RBM28: variants seen among roughly 807,000 people sequenced by gnomAD.
RBM28 encodes the protein RNA binding motif protein 28.
A neutral mutation model predicts 98.3 loss-of-function variants in RBM28; 78 were observed. The ratio of observed to expected loss-of-function variants is 0.79; its 90% CI spans 0.66 to 0.96. RBM28 has a LOEUF of 0.96. Ranked by LOEUF, RBM28 falls within the 40% of genes least tolerant of loss-of-function variation. RBM28 has a pLI of 0.00. For missense variants in RBM28, 838 were observed against 913.0 expected, an observed-to-expected ratio of 0.92 and a Z score of 1.06; for synonymous variants, 306 against 330.9, an observed-to-expected ratio of 0.92 and a Z score of 0.82.
Position 128,330,848 on chromosome 7 carries a change from A to G in RBM28, c.1100T>C (p.Val367Ala). Reference protein sequence around the residue: ...QFGELKYVRIVLHPDTEHSKG... With the variant: ...QFGELKYVRIALHPDTEHSKG... ...AGAATGCTCTGTGTCTGGATGCAAG[A>G]CAATGCGGACATATTTGAGTTCTCC... Residue 367 changes from valine (V) to alanine (A), a missense_variant, in exon 10 of 19, where the codon GTC becomes GCC. Transcript: ENST00000223073. 1 of 1,614,116 alleles carries G rather than the reference A, an allele frequency of 6.2e-7. No individual in the cohort carries two copies. Among genetic ancestry groups the G allele is most frequent in the Non-Finnish European group, 8.5e-7 (1 of 1,179,942 alleles).
chr7:128,321,035 G>A lies in RBM28; in HGVS notation c.1563+231C>T, dbSNP rs139534348. 4.2e-3 allele frequency among the ~76,000 whole-genome samples: 641 copies of A among 152,314 alleles called. 6 individuals are homozygous for A. Among genetic ancestry groups the A allele is most frequent in the African/African-American group, 0.015 (611 of 41,564 alleles). On this transcript the variant is annotated intron_variant, in intron 14 of 18. Transcript: ENST00000223073. The stretch of plus-strand genomic sequence containing the variant: ...ACAAAAATTAGCCAGGCGTGGTGGC[G>A]CACGCCTATAGTCCCAGCTATTCAG...
rs1228392694 is a variant in RBM28, at chr7:128,323,582, G to A, written c.1349C>T (p.Ala450Val). The A allele has an allele frequency of 1.9e-6, 3 of 1,614,090 alleles. No individual in the cohort carries two copies. Among genetic ancestry groups the A allele is most frequent in the Admixed American group, 1.7e-5 (1 of 60,010 alleles). Residue 450 changes from alanine (A) to valine (V), a missense_variant, in exon 13 of 19, where the codon GCT (alanine) becomes GTT (valine). Ala to Val is a moderately conservative substitution (Grantham distance 64). Transcript: ENST00000223073. ...CACACCCTCTGCAGCCTTCGTCCCAGCACGAATCACTGCAGAAAGAGGGAA... is the reference window on the plus strand; with the variant it reads ...CACACCCTCTGCAGCCTTCGTCCCAACACGAATCACTGCAGAAAGAGGGAA... ...LYLAREGLIRAGTKAAEGVSA... is the reference protein window; with the variant it reads ...LYLAREGLIRVGTKAAEGVSA...
intron 10 of RBM28, among the ~76,000 whole-genome samples, chr7:128,330,329 A>G (rs530374621): frequency 6.8e-6 from 1 of 148,132 alleles, no homozygotes; most frequent in African/African-American, 2.5e-5. Context: ...ACCATTAAAG[A>G]TGCTGAGTGT....
Position 128,326,763 on chromosome 7 carries a change from C to T in RBM28, c.1130-872G>A, listed in dbSNP as rs149399229. On this transcript the variant is annotated intron_variant, in intron 10 of 18. Transcript: ENST00000223073. ...TAATCAAGACAAAGATACCACTGCT[C>T]TTAATGAAATTTTATTATTACTTCC... Among the ~76,000 whole-genome samples the T allele has an allele frequency of 3.7e-3, 557 of 152,306 alleles. 1 individual carries two copies. Among genetic ancestry groups the T allele is most frequent in the Middle Eastern group, 6.8e-3 (2 of 294 alleles).
chr7:128,306,175 C>A lies in RBM28; in HGVS notation c.*4622G>T, dbSNP rs1795864498. 1 of 152,212 alleles carries A rather than the reference C, an allele frequency of 6.6e-6. No homozygotes were observed. Among genetic ancestry groups the A allele is most frequent in the Non-Finnish European group, 1.5e-5 (1 of 68,072 alleles). The allele number at this position is 152,212 out of a possible 1,614,324, so 9.4% of individuals were successfully genotyped here. A position where few individuals can be genotyped will look rare whatever the true frequency, so the allele number is the denominator to read the frequency against. ...GTGCCGGGGACTTAGAGGAAGGGGT[C>A]ACAATGCCCTGGGATGGCTGAGGTC... On this transcript the variant is annotated 3_prime_UTR_variant, in exon 19 of 19. Transcript: ENST00000223073.
At chr7:128,330,558 G>C (rs1423314272) in intron 10 of RBM28, among the ~76,000 whole-genome samples, 2 of 151,984 alleles carry the variant, frequency 1.3e-5, no homozygotes, top group Non-Finnish European at 2.9e-5. Context: ...TTTTAGTAGA[G>C]ACGGGGTTTC....
intron 18 of RBM28, among the ~76,000 whole-genome samples, chr7:128,311,313 C>A (rs6980001): frequency 0.083 from 12,601 of 152,184 alleles, 663 homozygotes; most frequent in African/African-American, 0.14. Context: ...GATCTCTATA[C>A]TATAGTACGG....
chr7:128,332,764 G>C (rs1161179380), intron 9 of RBM28, among the ~76,000 whole-genome samples: 1 of 152,156 alleles, frequency 6.6e-6, no homozygotes, highest in African/African-American at 2.4e-5. Flanking sequence ...GAGGTATACT[G>C]AAGACATCCT....
At position 128,323,697 on chromosome 7, in the gene RBM28, G is replaced by A. The variant is rs1187861175; in HGVS notation, c.1340-106C>T. 38 of 1,305,260 alleles carry A rather than the reference G, an allele frequency of 2.9e-5. No homozygotes were observed. In the South Asian group the frequency reaches 4.0e-4, roughly 14 times the overall value. The allele number at this position is 1,305,260 out of a possible 1,614,324, so 80.9% of individuals were successfully genotyped here. A position where few individuals can be genotyped will look rare whatever the true frequency, so the allele number is the denominator to read the frequency against. ...CAAACTCTTTGTACAGGGCCCAGAGGACTATCTTGGCCAGGACACGGTGGC... is the reference window on the plus strand; with the variant it reads ...CAAACTCTTTGTACAGGGCCCAGAGAACTATCTTGGCCAGGACACGGTGGC... On this transcript the variant is annotated intron_variant, in intron 12 of 18. Coordinates refer to ENST00000223073, the MANE Select transcript of RBM28 (RefSeq NM_018077.3).
intron 13 of RBM28, 27 bp downstream of exon 13, chr7:128,323,500 G>A (rs73230652): frequency 0.061 from 98,654 of 1,613,056 alleles, 3,539 homozygotes; most frequent in Non-Finnish European, 0.072. Flanking sequence ...CACGCAGAAC[G>A]TGAAGGTCAA....
rs768941143 is a variant in RBM28, at chr7:128,343,725, C to T, written c.69G>A (p.Leu23=). 2 of 1,611,814 alleles carry T rather than the reference C, an allele frequency of 1.2e-6. No homozygotes were observed. Among genetic ancestry groups the T allele is most frequent in the African/African-American group, 2.7e-5 (2 of 74,804 alleles). Residue 23 remains leucine (L), a synonymous_variant, in exon 1 of 19, where the codon CTG becomes CTA. Coordinates refer to ENST00000223073, the MANE Select transcript of RBM28 (RefSeq NM_018077.3). ...GCTTCACCGGCCCCACCTGACTGAA[C>T]AGTTCCTCCAGCTGCTCACTGCGGG... ...PSARSEQLEE[L]FSQVGPVKQC...
intron 12 of RBM28, among the ~76,000 whole-genome samples, chr7:128,324,270 A>C (rs896301938): frequency 6.6e-6 from 1 of 152,216 alleles, no homozygotes; most frequent in African/African-American, 2.4e-5. Flanking sequence ...TGATGACAAG[A>C]AGCAAAGGTA....
At chr7:128,313,403 G>C (rs1206507359) in intron 17 of RBM28, 129 bp from the exon 18 acceptor site, 2 of 908,924 alleles carry the variant, frequency 2.2e-6, no homozygotes, top group African/African-American at 3.3e-5. Flanking sequence ...TACTGCAACA[G>C]ACCCTCTGAA....
chr7:128,335,443 A>G (rs1336520492), intron 8 of RBM28, 100 bp downstream of exon 8: 9 of 1,387,754 alleles, frequency 6.5e-6, no homozygotes, highest in Non-Finnish European at 8.1e-6. Flanking sequence ...AACACCTTAG[A>G]GTCCTATTTA....
intron 18 of RBM28, among the ~76,000 whole-genome samples, chr7:128,312,713 T>C (rs1796012865): frequency 6.6e-6 from 1 of 152,120 alleles, no homozygotes; most frequent in Non-Finnish European, 1.5e-5. Flanking sequence ...TTTCAGGCAA[T>C]TTGGCAAATT....
intron 13 of RBM28, among the ~76,000 whole-genome samples, chr7:128,323,050 T>C (rs1485513092): frequency 6.6e-6 from 1 of 152,128 alleles, no homozygotes; most frequent in East Asian, 1.9e-4. Context: ...GAAACATCCA[T>C]AAAATGGAGT....
chr7:128,314,364 A>G lies in RBM28; in HGVS notation c.2045+400T>C, dbSNP rs146692744. 3.7e-4 allele frequency among the ~76,000 whole-genome samples: 57 copies of G among 152,382 alleles called. No homozygotes were observed. In the East Asian group the frequency reaches 0.01, roughly 28 times the overall value. ...CTAAAAATAAAATAAATAAATAAAT[A>G]AAACCCCATGGATATCTCAAAAACC... On this transcript the variant is annotated intron_variant, in intron 17 of 18. Coordinates refer to ENST00000223073, the MANE Select transcript of RBM28 (RefSeq NM_018077.3).
Position 128,311,133 on chromosome 7 carries a change from C to A in RBM28, c.2146-202G>T, listed in dbSNP as rs1795975204. Among the ~76,000 whole-genome samples the A allele has an allele frequency of 2.0e-5, 3 of 152,068 alleles. No homozygotes were observed. The East Asian group carries it at 5.8e-4, about 29-fold the overall frequency. ...TAAGAAATTAGACCAAGAGTGAGTGCACAGGGAGCAGGGCCTGACTAACCT... is the reference window on the plus strand; with the variant it reads ...TAAGAAATTAGACCAAGAGTGAGTGAACAGGGAGCAGGGCCTGACTAACCT... On this transcript the variant is annotated intron_variant, in intron 18 of 18. Transcript: ENST00000223073.
intron 6 of RBM28, 97 bp downstream of exon 6, chr7:128,337,034 C>A (rs982407583): frequency 4.4e-6 from 6 of 1,364,670 alleles, no homozygotes; most frequent in Non-Finnish European, 5.2e-6. Context: ...TGCACCCAGC[C>A]TTTTTCTTAC....
Sources: allele counts gnomAD v4.1 joint callset (sites outside exome capture counted in the v4.1 genomes callset), GRCh38; gene constraint gnomAD v4.1.1; transcripts MANE v1.5; gene names NCBI Gene and HGNC (gene_info 2026-07-23, HGNC 2026-07-21).